Variants in TAF15 observed in about 807,000 individuals in gnomAD.
TAF15 encodes the protein TATA-binding protein-associated factor 2N.
In TAF15, 37 loss-of-function variants were observed where a neutral mutation model predicts 102.5. That is an observed-to-expected ratio of 0.36 (90% CI 0.28 to 0.47). The LOEUF is 0.47. Ranked by LOEUF, TAF15 falls within the 20% of genes least tolerant of loss-of-function variation. The pLI is 0.99. For synonymous variants in TAF15, 273 were observed against 259.2 expected (o/e 1.05, Z -0.51); for missense variants, 652 against 760.7 (o/e 0.86, Z 1.68).
rs779199064 is a variant in TAF15, at chr17:35,844,706, C to CGGCTATGGAGGAGACCGAGGAGGT, written c.1422_1445dup (p.Gly478_Gly485dup). The CGGCTATGGAGGAGACCGAGGAGGT allele has an allele frequency of 2.1e-5, 33 of 1,605,414 alleles. No individual in the cohort carries two copies. The highest frequency in any genetic ancestry group is 2.4e-5 in the Non-Finnish European group (28 of 1,176,756). The stretch of plus-strand genomic sequence containing the variant: ...GCGGCTATGGTGGGGACAGAGGAGG[C>CGGCTATGGAGGAGACCGAGGAGGT]GGCTATGGAGGAGACCGAGGAGGTG... On this transcript the variant is annotated inframe_insertion, in exon 15 of 16. Coordinates refer to ENST00000605844, the MANE Select transcript of TAF15 (RefSeq NM_139215.3).
chr17:35,824,276 C>G lies in TAF15; in HGVS notation c.605+78C>G. The G allele has an allele frequency of 7.1e-6, 11 of 1,543,964 alleles. No homozygotes were observed. The South Asian group carries it at 1.3e-4, about 18-fold the overall frequency. Reference sequence around the variant, plus strand: ...TTTTTAAGGTGTTACTTGGCTGGATCAATTCCAGCATCTAATTTAGTTAAG... The same window carrying G: ...TTTTTAAGGTGTTACTTGGCTGGATGAATTCCAGCATCTAATTTAGTTAAG... On this transcript the variant is annotated intron_variant, in intron 7 of 15. Transcript: ENST00000605844.
At chr17:35,827,968 G>A (rs1050941542) in intron 7 of TAF15, among the ~76,000 whole-genome samples, 1 of 152,116 alleles carries the variant, frequency 6.6e-6, no homozygotes, top group African/African-American at 2.4e-5. Context: ...AAATTGACAT[G>A]GACATCTTAG....
At chr17:35,814,576 A>G (rs1362840981) in intron 1 of TAF15, among the ~76,000 whole-genome samples, 2 of 151,808 alleles carry the variant, frequency 1.3e-5, no homozygotes, top group Admixed American at 1.3e-4. Flanking sequence ...AATAATATAT[A>G]CAGAAAACAG....
At chr17:35,832,747 GAAAC>G (rs2087422505) in intron 7 of TAF15, among the ~76,000 whole-genome samples, 1 of 151,718 alleles carries the variant, frequency 6.6e-6, no homozygotes, top group Admixed American at 6.6e-5. Context: ...TCAGTTAAGA[GAAAC>G]AAGCTTTTAT....
intron 10 of TAF15, among the ~76,000 whole-genome samples, chr17:35,837,615 C>T (rs888033428): frequency 2.6e-5 from 4 of 150,998 alleles, no homozygotes; most frequent in Admixed American, 2.0e-4. Context: ...ATCACAAGGT[C>T]AGGAGATCAA....
chr17:35,823,706 CAAAAAAAAAAAAA>C (rs57004932), intron 6 of TAF15: 5 of 161,438 alleles, frequency 3.1e-5, no homozygotes, highest in Middle Eastern at 2.6e-3. Context: ...CTCTTGTCTC[CAAAAAAAAAAAAA>C]AAAAAAAAAG....
chr17:35,840,698 T>C (rs1346472514), intron 11 of TAF15, among the ~76,000 whole-genome samples: 1 of 151,916 alleles, frequency 6.6e-6, no homozygotes, highest in Non-Finnish European at 1.5e-5. Flanking sequence ...ATCCCATCTC[T>C]ACTAAAAATA....
intron 6 of TAF15, chr17:35,823,817 C>T: frequency 3.8e-6 from 2 of 528,712 alleles, no homozygotes; most frequent in African/African-American, 1.9e-5. Flanking sequence ...TACTGTTTTG[C>T]CATGTCACTT....
intron 5 of TAF15, 38 bp from the exon 6 acceptor site, chr17:35,822,602 T>TAGG (rs1407418244): frequency 1.4e-5 from 23 of 1,593,014 alleles, no homozygotes; most frequent in Non-Finnish European, 1.9e-5. Flanking sequence ...AAATGTAATC[T>TAGG]TCCTATGAAG....
intron 5 of TAF15, 58 bp downstream of exon 5, chr17:35,820,495 A>C: frequency 6.6e-7 from 1 of 1,515,032 alleles, no homozygotes; most frequent in Non-Finnish European, 9.1e-7. Flanking sequence ...CACTGATATT[A>C]AACAGATTTA....
At chr17:35,810,913 ACTT>A (rs2143726665) in intron 1 of TAF15, 1 of 152,372 alleles carries the variant, frequency 6.6e-6, no homozygotes, top group East Asian at 1.9e-4. Flanking sequence ...TATAAACTGC[ACTT>A]CTTTCAGTTT....
chr17:35,838,714 G>A (rs1174032171), intron 11 of TAF15, among the ~76,000 whole-genome samples, 161 bp downstream of exon 11: 2 of 152,210 alleles, frequency 1.3e-5, no homozygotes, highest in Non-Finnish European at 2.9e-5. Flanking sequence ...AATGAGATGA[G>A]CTCTATCGTT....
At chr17:35,827,099 T>C (rs1017104761) in intron 7 of TAF15, among the ~76,000 whole-genome samples, 7 of 151,964 alleles carry the variant, frequency 4.6e-5, no homozygotes, top group Admixed American at 2.0e-4. Context: ...AAATTAAAAA[T>C]AGCAATTCTT....
intron 2 of TAF15, among the ~76,000 whole-genome samples, chr17:35,819,464 C>T (rs1009517115): frequency 5.9e-5 from 9 of 152,214 alleles, no homozygotes; most frequent in African/African-American, 1.9e-4. Flanking sequence ...ACTGAGGATA[C>T]GGTATAATTT....
At chr17:35,832,095 A>G (rs2087414782) in intron 7 of TAF15, among the ~76,000 whole-genome samples, 1 of 151,220 alleles carries the variant, frequency 6.6e-6, no homozygotes, top group Non-Finnish European at 1.5e-5. Flanking sequence ...ACAAACAAAA[A>G]AAAACCTCTG....
Position 35,844,325 on chromosome 17 carries a change from G to T in TAF15, c.1134G>T (p.Gln378His). ...MNFARRNSCN[Q>H]CNEPRPEDSR... Reference sequence around the variant, plus strand: ...TTGCTCGAAGGAATTCCTGCAATCAGTGCAATGAGCCTAGACCAGAGGACT... The same window carrying T: ...TTGCTCGAAGGAATTCCTGCAATCATTGCAATGAGCCTAGACCAGAGGACT... Residue 378 changes from glutamine (Q) to histidine (H), a missense_variant, in exon 14 of 16, where the codon CAG becomes CAT. Transcript: ENST00000605844. The T allele has an allele frequency of 6.2e-7, 1 of 1,614,244 alleles. No individual in the cohort carries two copies. The highest frequency in any genetic ancestry group is 8.5e-7 in the Non-Finnish European group (1 of 1,180,050).
In TAF15 at chr17:35,844,125, A is replaced by G; in HGVS notation, c.1055A>G (p.Asp352Gly). The part of the protein sequence containing the change: ...GRGGFQGRGG[D>G]PKSGDWVCPN... ...GGAGGCTTTCAAGGGAGAGGTGGAG[A>G]CCCCAAAAGTGGGGATTGGGTTTGC... is the stretch of plus-strand genomic sequence containing the variant. Residue 352 changes from aspartate to glycine, a missense_variant, in exon 13 of 16, where the codon GAC becomes GGC. Transcript: ENST00000605844. 6.2e-7 allele frequency: 1 copy of G among 1,613,702 alleles called. No individual in the cohort carries two copies. Among genetic ancestry groups the G allele is most frequent in the Non-Finnish European group, 8.5e-7 (1 of 1,179,950 alleles).
At chr17:35,829,738 C>T (rs1001587281) in intron 7 of TAF15, among the ~76,000 whole-genome samples, 5 of 150,626 alleles carry the variant, frequency 3.3e-5, no homozygotes, top group African/African-American at 4.9e-5. Context: ...TCTGTTGTCT[C>T]TTCGAAATAT....
chr17:35,811,538 T>C (rs2143728848), intron 1 of TAF15: 1 of 152,334 alleles, frequency 6.6e-6, no homozygotes, highest in Middle Eastern at 3.4e-3. Flanking sequence ...AAAATAATGC[T>C]TTTGACTTGT....
Sources: gnomAD v4.1 joint callset for allele counts (sites outside exome capture counted in the v4.1 genomes callset) on GRCh38, gnomAD v4.1.1 for gene constraint, MANE v1.5 for transcripts, NCBI Gene and HGNC (gene_info 2026-07-23, HGNC 2026-07-21) for gene names.